Variants in DCPS observed in about 807,000 individuals in gnomAD.
The protein encoded by DCPS is decapping enzyme, scavenger.
Under a neutral mutation model 34.7 loss-of-function variants are expected in DCPS, and 27 were observed. The ratio of observed to expected loss-of-function variants is 0.78; its 90% CI spans 0.57 to 1.07. DCPS has a LOEUF of 1.07. Among genes scored for constraint, DCPS ranks in the 50% least tolerant of loss-of-function variants. DCPS has a pLI of 0.00. For synonymous variants in DCPS, 185 were observed against 185.7 expected, an observed-to-expected ratio of 1.00 and a Z score of 0.03; for missense variants, 464 against 436.9, an observed-to-expected ratio of 1.06 and a Z score of -0.55.
intron 4 of DCPS, among the ~76,000 whole-genome samples, chr11:126,343,086 A>T: frequency 7.4e-6 from 1 of 134,348 alleles, no homozygotes. Flanking sequence ...AAAAAAAAAA[A>T]AGGACTCTCA....
intron 2 of DCPS, among the ~76,000 whole-genome samples, chr11:126,326,476 G>A (rs942883251): frequency 4.6e-5 from 7 of 152,180 alleles, no homozygotes; most frequent in African/African-American, 1.7e-4. Flanking sequence ...TGGTCATAAG[G>A]AGTAAATGAG....
intron 2 of DCPS, among the ~76,000 whole-genome samples, chr11:126,330,713 ATATATATTTTTTTTTTTTTTTTT>A (rs1431472558): frequency 4.1e-5 from 1 of 24,136 alleles, no homozygotes; most frequent in African/African-American, 2.5e-4. Context: ...ATATATATAT[ATATATATTTTTTTTTTTTTTTTT>A]TTTTTTTTTT....
chr11:126,329,759 G>T lies in DCPS; in HGVS notation c.377-1646G>T, dbSNP rs1043962418. On this transcript the variant is annotated intron_variant, in intron 2 of 5. Transcript: ENST00000263579. This position sits in a 1 kb window ranked among gnomAD's most constrained non-coding sequence, Gnocchi z 5.0. ...CTCTTCACTGACGTATGAAAGCGGG[G>T]TTAAAACCACCTATGACCTCAGACC... 6.6e-6 allele frequency among the ~76,000 whole-genome samples: 1 copy of T among 152,178 alleles called. No homozygotes were observed. Among genetic ancestry groups the T allele is most frequent in the African/African-American group, 2.4e-5 (1 of 41,430 alleles).
Position 126,332,844 on chromosome 11 carries a change from T to C in DCPS, c.522+1294T>C, listed in dbSNP as rs765769607. Among the ~76,000 whole-genome samples, 4 of 152,220 alleles carry C rather than the reference T, an allele frequency of 2.6e-5. No homozygotes were observed. Among genetic ancestry groups the C allele is most frequent in the Non-Finnish European group, 5.9e-5 (4 of 68,032 alleles). On this transcript the variant is annotated intron_variant, in intron 3 of 5. Transcript: ENST00000263579. This position sits in a 1 kb window ranked among gnomAD's most constrained non-coding sequence, Gnocchi z 5.4. Reference sequence around the variant, plus strand: ...CTGTTTTCCAAGTGAAAAGGAACTATATCTCCACCTTCTTAGAGTTTCTGC... The same window carrying C: ...CTGTTTTCCAAGTGAAAAGGAACTACATCTCCACCTTCTTAGAGTTTCTGC...
In DCPS at chr11:126,313,769, TTC is replaced by T. The variant is rs1458292019; in HGVS notation, c.376+7027_376+7028del. The stretch of plus-strand genomic sequence containing the variant: ...GAGAATGTTAAAATTTCTGGTTATA[TTC>T]TGTTTCTTGGATTGTGTGTTCTGAG... On this transcript the variant is annotated intron_variant, in intron 2 of 5. Coordinates refer to ENST00000263579, the MANE Select transcript of DCPS (RefSeq NM_014026.6). The surrounding 1 kb of genome is among the most constrained non-coding windows in gnomAD (Gnocchi z 4.9). 6.6e-6 allele frequency among the ~76,000 whole-genome samples: 1 copy of T among 152,220 alleles called. No homozygotes were observed. Among genetic ancestry groups the T allele is most frequent in the African/African-American group, 2.4e-5 (1 of 41,458 alleles).
At position 126,308,859 on chromosome 11, in the gene DCPS, G is replaced by A. The variant is rs913866845; in HGVS notation, c.376+2115G>A. Among the ~76,000 whole-genome samples the A allele has an allele frequency of 2.6e-5, 4 of 151,942 alleles. No homozygotes were observed. The South Asian group carries it at 6.3e-4, about 24-fold the overall frequency. On this transcript the variant is annotated intron_variant, in intron 2 of 5. Transcript: ENST00000263579. ...ACACAAGTGGAGGTAGTCCCTGCTCGCCCTTTCTGTTTCTATTGTTTTTCC... is the reference window on the plus strand; with the variant it reads ...ACACAAGTGGAGGTAGTCCCTGCTCACCCTTTCTGTTTCTATTGTTTTTCC...
rs1377469728 is a variant in DCPS at position 126,328,251 on chromosome 11, A to G, written c.377-3154A>G. ...AACAGCCTCGTAGTCCACGGCAGGAAGCGCGGGAGCTGTGGAGCAGGGGAC... is the reference window on the plus strand; with the variant it reads ...AACAGCCTCGTAGTCCACGGCAGGAGGCGCGGGAGCTGTGGAGCAGGGGAC... On this transcript the variant is annotated intron_variant, in intron 2 of 5. Coordinates refer to ENST00000263579, the MANE Select transcript of DCPS (RefSeq NM_014026.6). The surrounding 1 kb of genome is among the most constrained non-coding windows in gnomAD (Gnocchi z 6.6). 6.6e-6 allele frequency among the ~76,000 whole-genome samples: 1 copy of G among 152,144 alleles called. No homozygotes were observed. Among genetic ancestry groups the G allele is most frequent in the Non-Finnish European group, 1.5e-5 (1 of 68,022 alleles).
rs1175046635 is a variant in DCPS, at chr11:126,344,706, G to A, written c.748-641G>A. Among the ~76,000 whole-genome samples the A allele has an allele frequency of 6.6e-6, 1 of 152,158 alleles. No homozygotes were observed. The highest frequency in any genetic ancestry group is 1.5e-5 in the Non-Finnish European group (1 of 68,032). ...CTGAAGGTGGAGGTTGGTAGAAAAA[G>A]ACCCACCCCTGAGCAAGGTGGAGGT... On this transcript the variant is annotated intron_variant, in intron 5 of 5. Transcript: ENST00000263579. The surrounding 1 kb of genome is among the most constrained non-coding windows in gnomAD (Gnocchi z 8.1).
chr11:126,343,396 G>A lies in DCPS; in HGVS notation c.726G>A (p.Arg242=). ...DLTPEHLPLL[R]NILHQGQEAI... ...CTCCGGAGCACTTGCCGCTGCTCAG[G>A]AACATCCTCCACCAGGGGCAGGTGA... The change falls in exon 5 of 6, where the codon AGG becomes AGA. Residue 242 remains arginine, a synonymous_variant. Coordinates refer to ENST00000263579, the MANE Select transcript of DCPS (RefSeq NM_014026.6). 2 of 1,613,674 alleles carry A rather than the reference G, an allele frequency of 1.2e-6. No homozygotes were observed. Among genetic ancestry groups the A allele is most frequent in the Non-Finnish European group, 1.7e-6 (2 of 1,179,838 alleles).
Position 126,315,540 on chromosome 11 carries a change from G to A in DCPS, c.376+8796G>A, listed in dbSNP as rs1037206572. 2.0e-5 allele frequency among the ~76,000 whole-genome samples: 3 copies of A among 151,816 alleles called. No individual in the cohort carries two copies. The highest frequency in any genetic ancestry group is 4.9e-5 in the African/African-American group (2 of 41,214). On this transcript the variant is annotated intron_variant, in intron 2 of 5. Coordinates refer to ENST00000263579, the MANE Select transcript of DCPS (RefSeq NM_014026.6). This position sits in a 1 kb window ranked among gnomAD's most constrained non-coding sequence, Gnocchi z 6.1. ...ATGCCGCTGCACTCCAACCTGGGTG[G>A]CAGAGCAAAACCCTGTCTCTTAAAA...
At chr11:126,330,547 C>G (rs1362724601) in intron 2 of DCPS, among the ~76,000 whole-genome samples, 1 of 151,382 alleles carries the variant, frequency 6.6e-6, no homozygotes, top group Non-Finnish European at 1.5e-5. Flanking sequence ...GAACCGTGCT[C>G]CCGGGTGGGG....
At chr11:126,308,048 GGGAT>G (rs1449934683) in intron 2 of DCPS, among the ~76,000 whole-genome samples, 1 of 152,200 alleles carries the variant, frequency 6.6e-6, no homozygotes, top group African/African-American at 2.4e-5. Flanking sequence ...GAGATCAAGG[GGGAT>G]GGGAGAGAAG....
At chr11:126,317,254 C>T (rs540606130) in intron 2 of DCPS, among the ~76,000 whole-genome samples, 3 of 151,392 alleles carry the variant, frequency 2.0e-5, no homozygotes, top group South Asian at 2.1e-4. Flanking sequence ...CCACTGCACC[C>T]GGCCTCCCGG....
chr11:126,349,560 A>T lies in DCPS; in HGVS notation c.*3947A>T, dbSNP rs1951972342. 6.6e-6 allele frequency among the ~76,000 whole-genome samples: 1 copy of T among 152,216 alleles called. No homozygotes were observed. The highest frequency in any genetic ancestry group is 2.1e-4 in the South Asian group (1 of 4,832). On this transcript the variant is annotated 3_prime_UTR_variant, in exon 6 of 6. Coordinates refer to ENST00000263579, the MANE Select transcript of DCPS (RefSeq NM_014026.6). The surrounding 1 kb of genome is among the most constrained non-coding windows in gnomAD (Gnocchi z 5.4). ...AATACCATCTCAGGCTCCATATTCC[A>T]TGTCCCTGTTGAATACAGATCCCCG...
In DCPS at chr11:126,345,311, C is replaced by T. The variant is rs764393255; in HGVS notation, c.748-36C>T. 73 of 1,609,322 alleles carry T rather than the reference C, an allele frequency of 4.5e-5. No homozygotes were observed. The Admixed American group carries it at 8.5e-4, about 19-fold the overall frequency. ...ACATGGCGCCGGGCCTCAGGCAGCACGGTGACTCCTGACCTGCCTGCCCCT... is the reference window on the plus strand; with the variant it reads ...ACATGGCGCCGGGCCTCAGGCAGCATGGTGACTCCTGACCTGCCTGCCCCT... On this transcript the variant is annotated intron_variant, in intron 5 of 5. Coordinates refer to ENST00000263579, the MANE Select transcript of DCPS (RefSeq NM_014026.6). The surrounding 1 kb of genome is among the most constrained non-coding windows in gnomAD (Gnocchi z 7.4).
At chr11:126,318,113 A>G (rs550602701) in intron 2 of DCPS, among the ~76,000 whole-genome samples, 12 of 152,162 alleles carry the variant, frequency 7.9e-5, no homozygotes, top group Non-Finnish European at 1.5e-4. Flanking sequence ...GAGGGTTTGT[A>G]CAAGAAGCCT....
At chr11:126,324,427 G>A (rs1173140250) in intron 2 of DCPS, among the ~76,000 whole-genome samples, 5 of 151,568 alleles carry the variant, frequency 3.3e-5, no homozygotes, top group Non-Finnish European at 7.4e-5. Flanking sequence ...GCAACCGGAA[G>A]TTCTGGGAAG....
At chr11:126,310,068 C>T (rs1345829250) in intron 2 of DCPS, among the ~76,000 whole-genome samples, 1 of 152,186 alleles carries the variant, frequency 6.6e-6, no homozygotes, top group Non-Finnish European at 1.5e-5. Context: ...GCAGTATTCG[C>T]ACCACCTGGG....
At position 126,338,164 on chromosome 11, in the gene DCPS, C is replaced by T. The variant is rs568887818; in HGVS notation, c.523-122C>T. ...CCGGATGTAGATCCTCTGAGCGTGG[C>T]GGCCTTTTATGGCTTGGTTCTGTCT... On this transcript the variant is annotated intron_variant, in intron 3 of 5. Coordinates refer to ENST00000263579, the MANE Select transcript of DCPS (RefSeq NM_014026.6). The surrounding 1 kb of genome is among the most constrained non-coding windows in gnomAD (Gnocchi z 5.4). The T allele has an allele frequency of 2.2e-5, 18 of 822,838 alleles. No individual in the cohort carries two copies. The highest frequency in any genetic ancestry group is 3.2e-5 in the South Asian group (2 of 62,494). The allele number at this position is 822,838 out of a possible 1,614,324, so 51.0% of individuals were successfully genotyped here. A position where few individuals can be genotyped will look rare whatever the true frequency, so the allele number is the denominator to read the frequency against.
Sources: gnomAD v4.1 joint callset for allele counts (sites outside exome capture counted in the v4.1 genomes callset) on GRCh38, gnomAD v4.1.1 for gene constraint, Gnocchi (gnomAD v3.1) non-coding constraint, MANE v1.5 for transcripts, NCBI Gene and HGNC (gene_info 2026-07-23, HGNC 2026-07-21) for gene names.